NADSYN1: variants seen among roughly 807,000 people sequenced by gnomAD.
The protein encoded by NADSYN1 is glutamine-dependent NAD(+) synthetase.
NADSYN1 carries 80 observed loss-of-function variants against 99.3 expected under a neutral mutation model. The observed-to-expected ratio is 0.81, with a 90% CI of 0.67 to 0.97. The LOEUF is 0.97. NADSYN1 is among the 50% of genes least tolerant of loss of function. The pLI is 0.00. For missense variants in NADSYN1, 859 were observed against 948.5 expected (o/e 0.91, Z 1.24); for synonymous variants, 385 against 372.1 (o/e 1.03, Z -0.40).
At chr11:71,491,997 G>GA (rs200430647) in intron 18 of NADSYN1, 94 bp downstream of exon 18, 2 of 1,169,242 alleles carry the variant, frequency 1.7e-6, no homozygotes, top group Non-Finnish European at 2.4e-6. Flanking sequence ...CTGACCCCAG[G>GA]ACAGCTGCAT....
chr11:71,461,521 C>T (rs989952247), intron 3 of NADSYN1, among the ~76,000 whole-genome samples: 1 of 152,120 alleles, frequency 6.6e-6, no homozygotes, highest in Admixed American at 6.5e-5. Context: ...CTCTGCCACC[C>T]GGGTTCAAGC....
At chr11:71,476,355 C>T (rs573285438) in intron 9 of NADSYN1, 22 of 351,874 alleles carry the variant, frequency 6.3e-5, no homozygotes, top group East Asian at 5.2e-4. Flanking sequence ...GTCCTGGCGT[C>T]GCCGACTCTG....
At chr11:71,492,125 G>A (rs1949783935) in intron 18 of NADSYN1, among the ~76,000 whole-genome samples, 1 of 152,200 alleles carries the variant, frequency 6.6e-6, no homozygotes, top group South Asian at 2.1e-4. Context: ...ATGACATGGT[G>A]GGAGGGGAGG....
chr11:71,462,806 A>G (rs1037575855), intron 3 of NADSYN1, among the ~76,000 whole-genome samples: 1 of 151,984 alleles, frequency 6.6e-6, no homozygotes, highest in South Asian at 2.1e-4. Context: ...CAGTGCCCCT[A>G]TGAGGGTCAT....
chr11:71,484,626 G>T, intron 15 of NADSYN1, 179 bp downstream of exon 15: 2 of 872,144 alleles, frequency 2.3e-6, no homozygotes, highest in South Asian at 3.6e-5. Flanking sequence ...GAAGACGTCG[G>T]TCATGCAGCC....
At chr11:71,455,298 G>A in intron 2 of NADSYN1, 128 bp downstream of exon 2, 1 of 730,648 alleles carries the variant, frequency 1.4e-6, no homozygotes. Flanking sequence ...CCCACTGTTG[G>A]GCCTGGTTAA....
intron 2 of NADSYN1, among the ~76,000 whole-genome samples, chr11:71,456,857 ATCACT>A (rs1949518022): frequency 1.3e-5 from 2 of 152,240 alleles, no homozygotes; most frequent in African/African-American, 2.4e-5. Flanking sequence ...GAGGAGGGAC[ATCACT>A]TCACTGAGCA....
chr11:71,491,840 G>T lies in NADSYN1; in HGVS notation c.1701G>T (p.Leu567=). The part of the protein sequence containing the change: ...RFQLPALQSI[L]LAPATAELEP... ...CTGTGTGTTTTGGCTGCAGCATCCT[G>T]TTGGCGCCGGCCACCGCAGAGCTGG... Residue 567 remains leucine (L), a synonymous_variant, in exon 18 of 21, where the codon CTG becomes CTT. Transcript: ENST00000319023. 6.2e-7 allele frequency: 1 copy of T among 1,614,002 alleles called. No individual in the cohort carries two copies. Among genetic ancestry groups the T allele is most frequent in the Non-Finnish European group, 8.5e-7 (1 of 1,180,008 alleles).
At chr11:71,486,079 CTGT>C (rs1324447348) in intron 16 of NADSYN1, among the ~76,000 whole-genome samples, 1 of 152,204 alleles carries the variant, frequency 6.6e-6, no homozygotes. Flanking sequence ...CAGAGCCTCC[CTGT>C]TGTTTTCTGG....
chr11:71,497,116 A>G (rs906316779), intron 18 of NADSYN1: 6 of 272,774 alleles, frequency 2.2e-5, no homozygotes, highest in Admixed American at 4.8e-5. Context: ...GGGCTCAAGC[A>G]GTCCTCCCAC....
chr11:71,470,863 CT>C lies in NADSYN1; in HGVS notation c.408-1584del, dbSNP rs543119223. Among the ~76,000 whole-genome samples the C allele has an allele frequency of 3.4e-3, 514 of 152,310 alleles. 5 individuals carry two copies. Among genetic ancestry groups the C allele is most frequent in the African/African-American group, 0.012 (499 of 41,558 alleles). On this transcript the variant is annotated intron_variant, in intron 5 of 20. Coordinates refer to ENST00000319023, the MANE Select transcript of NADSYN1 (RefSeq NM_018161.5). ...TGTGTCTGCCTGCCTTATCTTTCAT[CT>C]TCTTTCTAACCATCACTGTCTTCGT... is the stretch of plus-strand genomic sequence containing the variant.
rs1949571279 is a variant in NADSYN1, at chr11:71,464,139, G to A, written c.404G>A (p.Ser135Asn). 1 of 1,605,086 alleles carries A rather than the reference G, an allele frequency of 6.2e-7. No homozygotes were observed. Among genetic ancestry groups the A allele is most frequent in the African/African-American group, 1.3e-5 (1 of 74,866 alleles). Residue 135 changes from serine to asparagine, a missense_variant, in exon 5 of 21, where the codon AGT becomes AAT. Transcript: ENST00000319023. ...CGCTGGTTCACCCCGTGGTCGAGGA[G>A]TCGGTGAGTCGGGTGCCTGACCACT... ...ELRWFTPWSR[S>N]RHTEEYFLPR...
intron 5 of NADSYN1, among the ~76,000 whole-genome samples, chr11:71,470,274 G>A (rs903802152): frequency 5.9e-5 from 9 of 152,248 alleles, no homozygotes; most frequent in African/African-American, 2.4e-5. Context: ...TTCAAGATGA[G>A]ATTTGGGTGG....
rs774813410 is a variant in NADSYN1, at chr11:71,497,594, A to G, written c.1876A>G (p.Ile626Val). 6.2e-7 allele frequency: 1 copy of G among 1,614,150 alleles called. No homozygotes were observed. Among genetic ancestry groups the G allele is most frequent in the East Asian group, 2.2e-5 (1 of 44,878 alleles). Residue 626 changes from isoleucine (I) to valine (V), a missense_variant, in exon 19 of 21, where the codon ATC becomes GTC. Coordinates refer to ENST00000319023, the MANE Select transcript of NADSYN1 (RefSeq NM_018161.5). ...CAAACTCCTCGGCATGTGGAGACACATCTGCACCCCGAGACAGGTAAAGCC... is the reference window on the plus strand; with the variant it reads ...CAAACTCCTCGGCATGTGGAGACACGTCTGCACCCCGAGACAGGTAAAGCC... ...FCKLLGMWRH[I>V]CTPRQVADKV...
Position 71,497,338 on chromosome 11 carries a change from A to G in NADSYN1, c.1765-145A>G, listed in dbSNP as rs775290858. On this transcript the variant is annotated intron_variant, in intron 18 of 20. Coordinates refer to ENST00000319023, the MANE Select transcript of NADSYN1 (RefSeq NM_018161.5). Reference sequence around the variant, plus strand: ...CTACCTCCTTACTGGCTGACTAGCAATGGGGAGTAAAGCCCACCTCTGCTC... The same window carrying G: ...CTACCTCCTTACTGGCTGACTAGCAGTGGGGAGTAAAGCCCACCTCTGCTC... 82 of 920,068 alleles carry G rather than the reference A, an allele frequency of 8.9e-5. 1 individual carries two copies. The highest frequency in any genetic ancestry group is 2.6e-4 in the East Asian group (10 of 38,562). 57.0% of individuals were successfully genotyped at this position (920,068 alleles called of 1,614,324 possible).
In NADSYN1 at chr11:71,498,343, G is replaced by A. The variant is rs765208014; in HGVS notation, c.1894-9G>A. On this transcript the variant is annotated splice_polypyrimidine_tract_variant and intron_variant, in intron 19 of 20. Coordinates refer to ENST00000319023, the MANE Select transcript of NADSYN1 (RefSeq NM_018161.5). ...GTAACATGAAGCTCGTGTGTTGCAC[G>A]CCCACCAGGTCGCTGACAAAGTGAA... 48 of 1,613,614 alleles carry A rather than the reference G, an allele frequency of 3.0e-5. No individual in the cohort carries two copies. Among genetic ancestry groups the A allele is most frequent in the East Asian group, 8.9e-5 (4 of 44,886 alleles).
intron 16 of NADSYN1, among the ~76,000 whole-genome samples, chr11:71,486,345 A>G (rs1307104876): frequency 6.6e-6 from 1 of 151,934 alleles, no homozygotes; most frequent in Non-Finnish European, 1.5e-5. Flanking sequence ...CTGTCCATTC[A>G]TCTATCCATC....
chr11:71,459,015 A>C, intron 3 of NADSYN1: 1 of 168,800 alleles, frequency 5.9e-6, no homozygotes, highest in Non-Finnish European at 1.3e-5. Flanking sequence ...GCCTCTGCAC[A>C]CGCTGTGCTG....
chr11:71,487,477 A>G (rs1002106564), intron 16 of NADSYN1, among the ~76,000 whole-genome samples: 11 of 152,046 alleles, frequency 7.2e-5, no homozygotes, highest in Admixed American at 6.6e-4. Flanking sequence ...AGAAACAAGT[A>G]TTTTTTTCCA....
Sources: gnomAD v4.1 joint callset for allele counts (sites outside exome capture counted in the v4.1 genomes callset) on GRCh38, gnomAD v4.1.1 for gene constraint, MANE v1.5 for transcripts, NCBI Gene and HGNC (gene_info 2026-07-23, HGNC 2026-07-21) for gene names.